The following KIF26B variants were observed in gnomAD, a reference collection of about 807,000 sequenced individuals.
KIF26B encodes the protein kinesin-like protein KIF26B.
Under a neutral mutation model 151.2 loss-of-function variants are expected in KIF26B, and 63 were observed. The ratio of observed to expected loss-of-function variants is 0.42; its 90% CI spans 0.34 to 0.51. The LOEUF (loss-of-function observed/expected upper bound fraction) is 0.51. Among genes scored for constraint, KIF26B ranks in the 20% least tolerant of loss-of-function variants. The pLI, the probability that KIF26B is intolerant of heterozygous loss-of-function variation, is 0.07. For synonymous variants in KIF26B, 1,357 were observed against 1,262.1 expected (o/e 1.08, Z -1.59); for missense variants, 2,813 against 2,913.6 (o/e 0.97, Z 0.79).
rs772474950 is a variant in KIF26B, at chr1:245,688,795, C to T, written c.5812C>T (p.Arg1938Cys). The change falls in exon 12 of 15, where the codon CGC becomes TGC. Residue 1938 changes from arginine to cysteine, a missense_variant. Around this residue, in one of 3 missense-constraint regions of KIF26B, gnomAD observed 2,060 missense variants for 2,088.6 expected, o/e 0.99. Coordinates refer to ENST00000407071, the MANE Select transcript of KIF26B (RefSeq NM_018012.4). ...RCRSLKTPKK[R>C]SNPGSQRRRL... ...CCGGAGCCTCAAGACCCCGAAGAAA[C>T]GCTCCAATCCAGGTAGGCGGCTGGG... 1 of 1,579,360 alleles carries T rather than the reference C, an allele frequency of 6.3e-7. No homozygotes were observed. The highest frequency in any genetic ancestry group is 8.6e-7 in the Non-Finnish European group (1 of 1,159,526).
chr1:245,236,562 A>G (rs1670113865), intron 2 of KIF26B, among the ~76,000 whole-genome samples: 1 of 152,220 alleles, frequency 6.6e-6, no homozygotes, highest in Non-Finnish European at 1.5e-5. Flanking sequence ...CTATAATGTT[A>G]GCAATGCTAT....
At chr1:245,201,188 A>C (rs1490603410) in intron 2 of KIF26B, among the ~76,000 whole-genome samples, 2 of 152,240 alleles carry the variant, frequency 1.3e-5, no homozygotes, top group African/African-American at 4.8e-5. Flanking sequence ...CTGTCTCAGT[A>C]CACACACTGC....
chr1:245,308,186 C>T (rs551064834), intron 2 of KIF26B, among the ~76,000 whole-genome samples: 1 of 152,272 alleles, frequency 6.6e-6, no homozygotes, highest in Non-Finnish European at 1.5e-5. Flanking sequence ...CCCAAAGACC[C>T]TTACAGAGAA....
chr1:245,493,922 G>T (rs1660458221), intron 4 of KIF26B, among the ~76,000 whole-genome samples: 1 of 152,102 alleles, frequency 6.6e-6, no homozygotes, highest in African/African-American at 2.4e-5. Context: ...TGAAGCATTT[G>T]CCAAATATTA....
intron 2 of KIF26B, among the ~76,000 whole-genome samples, chr1:245,317,533 T>C (rs1671803039): frequency 6.6e-6 from 1 of 152,206 alleles, no homozygotes; most frequent in South Asian, 2.1e-4. Context: ...TGGGCTTTTA[T>C]TTGGAATGAG....
intron 3 of KIF26B, among the ~76,000 whole-genome samples, chr1:245,391,881 C>G (rs1009337465): frequency 6.6e-6 from 1 of 151,836 alleles, no homozygotes; most frequent in South Asian, 2.1e-4. Flanking sequence ...TACGGTTGCT[C>G]TTATGCCAGA....
At chr1:245,412,896 C>T (rs531938810) in intron 3 of KIF26B, among the ~76,000 whole-genome samples, 9 of 152,290 alleles carry the variant, frequency 5.9e-5, no homozygotes, top group South Asian at 4.2e-4. Context: ...CACATGCACA[C>T]GTGTCGACAC....
intron 2 of KIF26B, among the ~76,000 whole-genome samples, chr1:245,250,392 C>T (rs529559486): frequency 8.5e-4 from 130 of 152,314 alleles, no homozygotes; most frequent in Admixed American, 1.4e-3. Flanking sequence ...TGTGGTATAA[C>T]TTTCTGATGA....
At chr1:245,418,328 T>A (rs926868281) in intron 3 of KIF26B, among the ~76,000 whole-genome samples, 4 of 152,202 alleles carry the variant, frequency 2.6e-5, no homozygotes, top group African/African-American at 9.7e-5. Flanking sequence ...AGTTTCCTTA[T>A]AATGCGTTAA....
Position 245,367,887 on chromosome 1 carries a change from A to G in KIF26B, c.999+520A>G, listed in dbSNP as rs1490255481. Among the ~76,000 whole-genome samples the G allele has an allele frequency of 6.6e-6, 1 of 152,258 alleles. No homozygotes were observed. The highest frequency in any genetic ancestry group is 1.5e-5 in the Non-Finnish European group (1 of 68,052). On this transcript the variant is annotated intron_variant, in intron 3 of 14. Transcript: ENST00000407071. This position sits in a 1 kb window ranked among gnomAD's most constrained non-coding sequence, Gnocchi z 4.2. ...TGACATGTAGGCCAACACCTGCCAT[A>G]TAGTAGGGGATCATTGTTGTGCCTG... is the stretch of plus-strand genomic sequence containing the variant.
intron 2 of KIF26B, among the ~76,000 whole-genome samples, chr1:245,234,922 A>C (rs552547944): frequency 6.6e-6 from 1 of 152,302 alleles, no homozygotes; most frequent in South Asian, 2.1e-4. Flanking sequence ...GGTGGCACAC[A>C]GGCTGGCTCT....
rs559745446 is a variant in KIF26B, at chr1:245,450,698, A to G, written c.1166+30953A>G. Among the ~76,000 whole-genome samples, 5 of 152,308 alleles carry G rather than the reference A, an allele frequency of 3.3e-5. No individual in the cohort carries two copies. In the South Asian group the frequency reaches 6.2e-4, roughly 19 times the overall value. On this transcript the variant is annotated intron_variant, in intron 4 of 14. Transcript: ENST00000407071. ...ATTCTGTGGTAGGATTTAGAGTCAAAAGTGTTTTTTATACTAAAAGACACT... is the reference window on the plus strand; with the variant it reads ...ATTCTGTGGTAGGATTTAGAGTCAAGAGTGTTTTTTATACTAAAAGACACT...
At chr1:245,380,771 G>T (rs57576094) in intron 3 of KIF26B, among the ~76,000 whole-genome samples, 1 of 151,988 alleles carries the variant, frequency 6.6e-6, no homozygotes, top group East Asian at 1.9e-4. Flanking sequence ...GTTACCCACC[G>T]CACACACTCC....
intron 4 of KIF26B, among the ~76,000 whole-genome samples, chr1:245,478,430 A>ATTTT (rs3068344): frequency 0.48 from 61,128 of 128,346 alleles, 16,776 homozygotes; most frequent in Non-Finnish European, 0.55. Context: ...TCTGACTCGC[A>ATTTT]TTTTTTTTTT....
At chr1:245,551,079 T>G (rs2103109225) in intron 5 of KIF26B, among the ~76,000 whole-genome samples, 1 of 152,326 alleles carries the variant, frequency 6.6e-6, no homozygotes, top group East Asian at 1.9e-4. Flanking sequence ...AGCGTCTTCC[T>G]TCGTCAGCCA....
At chr1:245,527,690 C>T (rs1046774812) in intron 4 of KIF26B, among the ~76,000 whole-genome samples, 5 of 151,522 alleles carry the variant, frequency 3.3e-5, no homozygotes, top group Admixed American at 1.3e-4. Context: ...CCTGCAACCA[C>T]GCCCGGCTAA....
At chr1:245,171,090 T>C (rs1318733503) in intron 2 of KIF26B, among the ~76,000 whole-genome samples, 2 of 151,986 alleles carry the variant, frequency 1.3e-5, no homozygotes, top group African/African-American at 2.4e-5. Context: ...GATCTTTTGG[T>C]GAAAGTGACA....
intron 2 of KIF26B, among the ~76,000 whole-genome samples, chr1:245,322,984 G>A (rs1333215097): frequency 6.6e-6 from 1 of 152,136 alleles, no homozygotes; most frequent in Non-Finnish European, 1.5e-5. Flanking sequence ...TACTATATTT[G>A]GGTGACCCTG....
chr1:245,387,573 G>A (rs936172556), intron 3 of KIF26B, among the ~76,000 whole-genome samples: 1 of 152,116 alleles, frequency 6.6e-6, no homozygotes, highest in African/African-American at 2.4e-5. Context: ...CATGCCTGTG[G>A]TCCCAGTGCT....
Sources: allele counts gnomAD v4.1 joint callset (sites outside exome capture counted in the v4.1 genomes callset), GRCh38; gene constraint gnomAD v4.1.1; regional missense constraint gnomAD v4.1.1; non-coding constraint Gnocchi (gnomAD v3.1); transcripts MANE v1.5; gene names NCBI Gene and HGNC (gene_info 2026-07-23, HGNC 2026-07-21).